The following ATP1A2 variants were observed in gnomAD, a reference collection of about 807,000 sequenced individuals.
The protein encoded by ATP1A2 is sodium/potassium-transporting ATPase subunit alpha-2.
Under a neutral mutation model 113.1 loss-of-function variants are expected in ATP1A2, and 56 were observed. The ratio of observed to expected loss-of-function variants is 0.49; its 90% CI spans 0.40 to 0.62. The LOEUF (loss-of-function observed/expected upper bound fraction) is 0.62. Ranked by LOEUF, ATP1A2 falls within the 20% of genes least tolerant of loss-of-function variation. ATP1A2 has a pLI of 0.00. For synonymous variants in ATP1A2, 490 were observed against 526.8 expected (o/e 0.93, Z 0.96); for missense variants, 712 against 1,357.8 (o/e 0.52, Z 7.47).
chr1:160,123,907 G>T, intron 4 of ATP1A2, 36 bp from the exon 5 acceptor site: 6 of 1,600,108 alleles, frequency 3.7e-6, no homozygotes, highest in Non-Finnish European at 5.1e-6. Flanking sequence ...GGGTTGGGGG[G>T]AAGGTCAGGT....
chr1:160,135,015 G>T lies in ATP1A2; in HGVS notation c.1965-130G>T, dbSNP rs185387179. On this transcript the variant is annotated intron_variant, in intron 14 of 22. Coordinates refer to ENST00000361216, the MANE Select transcript of ATP1A2 (RefSeq NM_000702.4). The surrounding 1 kb of genome is among the most constrained non-coding windows in gnomAD (Gnocchi z 6.3). The stretch of plus-strand genomic sequence containing the variant: ...GGGGAAGTGAGTACTGAGGAGAGGA[G>T]AACTGAAGCAACAGGGGAAGCAGGC... 3,947 of 1,186,696 alleles carry T rather than the reference G, an allele frequency of 3.3e-3. 10 individuals are homozygous for T. Among genetic ancestry groups the T allele is most frequent in the Non-Finnish European group, 3.6e-3 (2,921 of 811,746 alleles). The allele number at this position is 1,186,696 out of a possible 1,614,324, so 73.5% of individuals were successfully genotyped here.
intron 1 of ATP1A2, among the ~76,000 whole-genome samples, chr1:160,117,134 G>A (rs1651210050): frequency 6.6e-6 from 1 of 152,118 alleles, no homozygotes; most frequent in Admixed American, 6.5e-5. Context: ...GAGTCTGTGA[G>A]CCTGCCCTTA....
rs1338142228 is a variant in ATP1A2, at chr1:160,129,260, T to C, written c.1327-6T>C. On this transcript the variant is annotated splice_region_variant and splice_polypyrimidine_tract_variant and intron_variant, in intron 10 of 22. Coordinates refer to ENST00000361216, the MANE Select transcript of ATP1A2 (RefSeq NM_000702.4). ...GCTGACACTGAATTCTTGTCTCTTC[T>C]GGCAGCGGGACACAGCTGGTGATGC... The C allele has an allele frequency of 1.2e-6, 2 of 1,614,192 alleles. No homozygotes were observed. The highest frequency in any genetic ancestry group is 2.7e-5 in the African/African-American group (2 of 75,048).
At chr1:160,119,710 T>A (rs1651318311) in intron 1 of ATP1A2, among the ~76,000 whole-genome samples, 1 of 151,668 alleles carries the variant, frequency 6.6e-6, no homozygotes, top group Non-Finnish European at 1.5e-5. Flanking sequence ...CTCATAAGAC[T>A]ACAATTAAAA....
At chr1:160,141,170 C>G in intron 22 of ATP1A2, 124 bp from the exon 23 acceptor site, 1 of 1,165,614 alleles carries the variant, frequency 8.6e-7, no homozygotes, top group East Asian at 2.4e-5. Context: ...TAAGCCACTT[C>G]CCCCAGTGCC....
At chr1:160,137,237 C>G (rs1570995916) in intron 20 of ATP1A2, 20 of 738,820 alleles carry the variant, frequency 2.7e-5, no homozygotes, top group Non-Finnish European at 4.2e-5. Context: ...TTGTTATTGT[C>G]TCTCTCCACC....
Position 160,139,835 on chromosome 1 carries a change from T to C in ATP1A2, c.2943-58T>C, listed in dbSNP as rs535911666. On this transcript the variant is annotated intron_variant, in intron 21 of 22. Coordinates refer to ENST00000361216, the MANE Select transcript of ATP1A2 (RefSeq NM_000702.4). The stretch of plus-strand genomic sequence containing the variant: ...TCTGATCGCTTTGAATGCTCCTTTA[T>C]GTGACAGCCACCAAGCCAACCTCTG... The C allele has an allele frequency of 2.0e-5, 32 of 1,610,638 alleles. No individual in the cohort carries two copies. In the African/African-American group the frequency reaches 4.3e-4, roughly 21 times the overall value.
At chr1:160,118,124 G>A (rs572667161) in intron 1 of ATP1A2, among the ~76,000 whole-genome samples, 17 of 152,356 alleles carry the variant, frequency 1.1e-4, no homozygotes, top group South Asian at 4.1e-4. Context: ...AGAGCAGGGC[G>A]GGAGCTTGGG....
rs778670666 is a variant in ATP1A2 at position 160,127,733 on chromosome 1, C to T, written c.930C>T (p.Ile310=). The change falls in exon 8 of 23, where the codon ATC becomes ATT. Residue 310 remains isoleucine, a synonymous_variant. Transcript: ENST00000361216. Reference sequence around the variant, plus strand: ...TCTCCTTCTTCGTGCTCTCCCTCATCCTGGGCTACAGCTGGCTGGAGGCAG... The same window carrying T: ...TCTCCTTCTTCGTGCTCTCCCTCATTCTGGGCTACAGCTGGCTGGAGGCAG... The part of the protein sequence containing the change: ...LGVSFFVLSL[I]LGYSWLEAVI... The T allele has an allele frequency of 9.3e-6, 15 of 1,614,220 alleles. No individual in the cohort carries two copies. Among genetic ancestry groups the T allele is most frequent in the Non-Finnish European group, 1.3e-5 (15 of 1,180,028 alleles).
chr1:160,135,327 C>CAGGG lies in ATP1A2; in HGVS notation c.2115+34_2115+37dup. The CAGGG allele has an allele frequency of 6.2e-7, 1 of 1,614,116 alleles. No individual in the cohort carries two copies. The highest frequency in any genetic ancestry group is 8.5e-7 in the Non-Finnish European group (1 of 1,180,016). ...ACAGCCACGGGAGGCAGATGACAGGCAGGGACCGGGGAGGCAGGGACAGGG... is the reference window on the plus strand; with the variant it reads ...ACAGCCACGGGAGGCAGATGACAGGCAGGGAGGGACCGGGGAGGCAGGGACAGGG... On this transcript the variant is annotated intron_variant, in intron 15 of 22. Transcript: ENST00000361216. The surrounding 1 kb of genome is among the most constrained non-coding windows in gnomAD (Gnocchi z 6.3).
At chr1:160,139,061 C>T (rs750979134) in intron 20 of ATP1A2, among the ~76,000 whole-genome samples, 14 of 152,166 alleles carry the variant, frequency 9.2e-5, no homozygotes, top group Non-Finnish European at 1.8e-4. Context: ...GGAATAGACA[C>T]CACCTGTCTG....
intron 13 of ATP1A2, 107 bp downstream of exon 13, chr1:160,130,704 C>T (rs1651745286): frequency 6.8e-7 from 1 of 1,463,230 alleles, no homozygotes; most frequent in East Asian, 2.3e-5. Context: ...TGGCCTCCTT[C>T]CCACTGACTC....
intron 3 of ATP1A2, among the ~76,000 whole-genome samples, 192 bp downstream of exon 3, chr1:160,121,443 A>G (rs1158458033): frequency 6.6e-6 from 1 of 152,186 alleles, no homozygotes; most frequent in Non-Finnish European, 1.5e-5. Context: ...GATCCCCTGC[A>G]TCCTAGCCCA....
chr1:160,129,836 G>A (rs188770803), intron 11 of ATP1A2, among the ~76,000 whole-genome samples: 302 of 152,268 alleles, frequency 2.0e-3, no homozygotes, highest in Middle Eastern at 6.8e-3. Context: ...GGAGGGAGCC[G>A]TTCAGCCCCT....
Position 160,130,181 on chromosome 1 carries a change from G to A in ATP1A2, c.1541G>A (p.Arg514Gln), listed in dbSNP as rs748654627. 3.1e-5 allele frequency: 50 copies of A among 1,614,032 alleles called. No homozygotes were observed. The highest frequency in any genetic ancestry group is 8.3e-5 in the Admixed American group (5 of 60,010). Residue 514 changes from arginine (R) to glutamine (Q), a missense_variant, in exon 12 of 23, where the codon CGG (arginine) becomes CAG (glutamine). Around this residue, in one of 6 missense-constraint regions of ATP1A2, gnomAD observed 263 missense variants for 380.6 expected, o/e 0.69. Transcript: ENST00000361216. ...MKGAPERILD[R>Q]CSTILVQGKE... ...GGGGCCCCAGAGCGCATTCTGGACC[G>A]GTGCTCCACCATCCTGGTGCAGGGC...
intron 13 of ATP1A2, among the ~76,000 whole-genome samples, chr1:160,133,260 T>C (rs1436354463): frequency 6.6e-6 from 1 of 151,910 alleles, no homozygotes; most frequent in Non-Finnish European, 1.5e-5. Context: ...AGGGGTCAAG[T>C]AGGATGAGGA....
At chr1:160,130,366 G>A (rs1345859161) in intron 12 of ATP1A2, 56 bp from the exon 13 acceptor site, 2 of 1,613,844 alleles carry the variant, frequency 1.2e-6, no homozygotes, top group African/African-American at 1.3e-5. Context: ...GGGGACTGTG[G>A]GGGCGTCCAG....
intron 2 of ATP1A2, 37 bp downstream of exon 2, chr1:160,121,047 T>C (rs1558002510): frequency 6.2e-7 from 1 of 1,612,278 alleles, no homozygotes; most frequent in Non-Finnish European, 8.5e-7. Context: ...AGGGGCCCCA[T>C]GCTGGGAGAG....
Position 160,141,480 on chromosome 1 carries a change from A to T in ATP1A2, c.*158A>T, listed in dbSNP as rs1652149132. 1 of 901,328 alleles carries T rather than the reference A, an allele frequency of 1.1e-6. No individual in the cohort carries two copies. Among genetic ancestry groups the T allele is most frequent in the African/African-American group, 1.6e-5 (1 of 60,862 alleles). The allele number at this position is 901,328 out of a possible 1,614,324, so 55.8% of individuals were successfully genotyped here. A position where few individuals can be genotyped will look rare whatever the true frequency, so the allele number is the denominator to read the frequency against. On this transcript the variant is annotated 3_prime_UTR_variant, in exon 23 of 23. Transcript: ENST00000361216. ...AGCAGGCTAAGTTGCGGGGTATATA[A>T]ATTGGGGTGATGACCCCATAGACCT... is the stretch of plus-strand genomic sequence containing the variant.
Sources: gnomAD v4.1 joint callset for allele counts (sites outside exome capture counted in the v4.1 genomes callset) on GRCh38, gnomAD v4.1.1 for gene constraint, gnomAD v4.1.1 regional missense constraint, Gnocchi (gnomAD v3.1) non-coding constraint, MANE v1.5 for transcripts, NCBI Gene and HGNC (gene_info 2026-07-23, HGNC 2026-07-21) for gene names.